Variants in ISM1 observed in about 807,000 individuals in gnomAD.
ISM1 encodes isthmin-1.
ISM1 carries 25 observed loss-of-function variants against 46.3 expected under a neutral mutation model. The observed-to-expected ratio is 0.54, with a 90% confidence interval of 0.39 to 0.75. The LOEUF (loss-of-function observed/expected upper bound fraction) is 0.75, where lower values mean the gene tolerates loss of function less well. Among genes scored for constraint, ISM1 ranks in the 30% least tolerant of loss-of-function variants. The pLI, the probability that ISM1 is intolerant of heterozygous loss-of-function variation, is 0.00. For missense variants in ISM1, 536 were observed against 625.4 expected (o/e 0.86, Z 1.52); for synonymous variants, 255 against 256.7 (o/e 0.99, Z 0.06).
chr20:13,299,596 C>T lies in ISM1; in HGVS notation c.*137C>T. The T allele has an allele frequency of 7.0e-6, 6 of 860,068 alleles. No individual in the cohort carries two copies. Among genetic ancestry groups the T allele is most frequent in the Non-Finnish European group, 1.1e-5 (6 of 561,350 alleles). 53.3% of individuals were successfully genotyped at this position (860,068 alleles called of 1,614,324 possible). A position where few individuals can be genotyped will look rare whatever the true frequency, so the allele number is the denominator to read the frequency against. On this transcript the variant is annotated 3_prime_UTR_variant, in exon 6 of 6. Transcript: ENST00000262487. This position sits in a 1 kb window ranked among gnomAD's most constrained non-coding sequence, Gnocchi z 5.8. ...ATATACCACATGAGTATTTCTCATA[C>T]ATTACGCTAGGGGCGTGTGCCACGC... is the stretch of plus-strand genomic sequence containing the variant.
At chr20:13,225,214 T>C (rs1297755676) in intron 1 of ISM1, among the ~76,000 whole-genome samples, 1 of 152,106 alleles carries the variant, frequency 6.6e-6, no homozygotes, top group Non-Finnish European at 1.5e-5. Flanking sequence ...TTATCCCTGT[T>C]TCAAAAGGAG....
chr20:13,304,935 C>T (rs527756936), downstream of ISM1, among the ~76,000 whole-genome samples: 8 of 152,250 alleles, frequency 5.3e-5, no homozygotes, highest in Admixed American at 2.0e-4. Flanking sequence ...GCTTGCTCAG[C>T]GCCATCTCTC....
At chr20:13,306,564 C>CAAAAAAAAAAAAAAAAAAAAGAAAAA in the ISM1 span, among the ~76,000 whole-genome samples, 4 of 63,914 alleles carry the variant, frequency 6.3e-5, no homozygotes, top group Admixed American at 2.2e-4. Flanking sequence ...GGAGAAAGGA[C>CAAAAAAAAAAAAAAAAAAAAGAAAAA]AAAAAAAAAA....
chr20:13,322,821 T>C, the ISM1 span, among the ~76,000 whole-genome samples: 3 of 152,110 alleles, frequency 2.0e-5, no homozygotes, highest in Non-Finnish European at 4.4e-5. Context: ...CTGTGTCAAC[T>C]TGAAAACAGT....
At chr20:13,308,206 CCAT>C in the ISM1 span, among the ~76,000 whole-genome samples, 27 of 152,300 alleles carry the variant, frequency 1.8e-4, no homozygotes, top group Admixed American at 1.8e-3. Context: ...AGACAGGAAT[CCAT>C]CATCAATGAA....
At chr20:13,286,933 G>A (rs1236736337) in intron 3 of ISM1, among the ~76,000 whole-genome samples, 1 of 152,246 alleles carries the variant, frequency 6.6e-6, no homozygotes, top group Non-Finnish European at 1.5e-5. Flanking sequence ...CAAGGCCATA[G>A]GAAGATCTGG....
chr20:13,241,947 C>A (rs1225661436), intron 1 of ISM1, among the ~76,000 whole-genome samples: 1 of 151,820 alleles, frequency 6.6e-6, no homozygotes, highest in East Asian at 1.9e-4. Flanking sequence ...AGTTGAGGGC[C>A]GTTGCAAGGA....
At chr20:13,271,559 CTG>C (rs1392517928) in intron 2 of ISM1, among the ~76,000 whole-genome samples, 8 of 152,224 alleles carry the variant, frequency 5.3e-5, no homozygotes, top group South Asian at 2.1e-4. Flanking sequence ...CAGGAAGTTA[CTG>C]TTTGGTTTAC....
At chr20:13,276,356 C>T (rs760002844) in intron 2 of ISM1, among the ~76,000 whole-genome samples, 13 of 151,844 alleles carry the variant, frequency 8.6e-5, no homozygotes, top group Non-Finnish European at 1.2e-4. Context: ...AGTGCATTTC[C>T]GAGCAAGAAT....
At chr20:13,286,774 C>A (rs138629622) in intron 3 of ISM1, among the ~76,000 whole-genome samples, 1 of 152,204 alleles carries the variant, frequency 6.6e-6, no homozygotes, top group East Asian at 1.9e-4. Context: ...AAGGCTGGCA[C>A]GGGCCCACAT....
At chr20:13,294,577 T>C (rs2040388382) in intron 5 of ISM1, among the ~76,000 whole-genome samples, 1 of 152,084 alleles carries the variant, frequency 6.6e-6, no homozygotes, top group Non-Finnish European at 1.5e-5. Flanking sequence ...TGAGTAGACA[T>C]GGTGTCTCAG....
chr20:13,299,575 AC>A lies in ISM1; in HGVS notation c.*118del. 7.3e-6 allele frequency: 7 copies of A among 959,382 alleles called. No individual in the cohort carries two copies. Among genetic ancestry groups the A allele is most frequent in the Non-Finnish European group, 9.4e-6 (6 of 641,578 alleles). 59.4% of individuals were successfully genotyped at this position (959,382 alleles called of 1,614,324 possible). ...GCTGCGGTCGTGTATATTTGTATAT[AC>A]CACATGAGTATTTCTCATACATTAC... On this transcript the variant is annotated 3_prime_UTR_variant, in exon 6 of 6. Transcript: ENST00000262487. The surrounding 1 kb of genome is among the most constrained non-coding windows in gnomAD (Gnocchi z 5.8).
chr20:13,288,169 C>T (rs1352327224), intron 3 of ISM1, among the ~76,000 whole-genome samples: 2 of 152,222 alleles, frequency 1.3e-5, no homozygotes, highest in Non-Finnish European at 2.9e-5. Context: ...TCCTCTCTCT[C>T]TCTTTCTCTC....
intron 2 of ISM1, among the ~76,000 whole-genome samples, chr20:13,272,388 G>C (rs2040125684): frequency 1.3e-5 from 2 of 152,166 alleles, no homozygotes; most frequent in African/African-American, 4.8e-5. Flanking sequence ...GCTGCATTAG[G>C]TTATAGGAAA....
chr20:13,250,944 A>G (rs7264162), intron 1 of ISM1, among the ~76,000 whole-genome samples: 16,237 of 152,144 alleles, frequency 0.11, 1,021 homozygotes, highest in African/African-American at 0.16. Context: ...CCTACTGAAA[A>G]CATCCTGAGA....
At chr20:13,265,935 C>A (rs554416183) in intron 1 of ISM1, among the ~76,000 whole-genome samples, 2 of 152,186 alleles carry the variant, frequency 1.3e-5, no homozygotes, top group Non-Finnish European at 2.9e-5. Context: ...GTCAGCCACG[C>A]TTAGACTACA....
the ISM1 span, among the ~76,000 whole-genome samples, chr20:13,306,564 C>CAAAAAAAAAAAAAAA: frequency 3.1e-5 from 2 of 63,914 alleles, no homozygotes; most frequent in African/African-American, 1.4e-4. Flanking sequence ...GGAGAAAGGA[C>CAAAAAAAAAAAAAAA]AAAAAAAAAA....
Position 13,221,382 on chromosome 20 carries a change from C to G in ISM1, c.-395C>G, listed in dbSNP as rs1354033937. On this transcript the variant is annotated 5_prime_UTR_variant, in exon 1 of 6. Coordinates refer to ENST00000262487, the MANE Select transcript of ISM1 (RefSeq NM_080826.2). Reference sequence around the variant, plus strand: ...CTCGGGGGCTCGGCTGCGCCCGCCCCGCCGCCGACCCCGCAGCCCCCTGCC... The same window carrying G: ...CTCGGGGGCTCGGCTGCGCCCGCCCGGCCGCCGACCCCGCAGCCCCCTGCC... Among the ~76,000 whole-genome samples, 1 of 147,952 alleles carries G rather than the reference C, an allele frequency of 6.8e-6. No homozygotes were observed. Among genetic ancestry groups the G allele is most frequent in the Non-Finnish European group, 1.5e-5 (1 of 66,140 alleles).
chr20:13,292,424 G>A lies in ISM1; in HGVS notation c.838G>A (p.Gly280Arg). Residue 280 changes from glycine (G) to arginine (R), a missense_variant, in exon 5 of 6, where the codon GGA (glycine) becomes AGA (arginine). Transcript: ENST00000262487. ...TGCCACCGAAGTGAGTCTGCTTGCG[G>A]GAAGCGAGGAGTTTAATGCCACCAA... ...TAATEVSLLAGSEEFNATKLF... is the reference protein window; with the variant it reads ...TAATEVSLLARSEEFNATKLF... 6.2e-7 allele frequency: 1 copy of A among 1,606,330 alleles called. No individual in the cohort carries two copies. Among genetic ancestry groups the A allele is most frequent in the Non-Finnish European group, 8.5e-7 (1 of 1,176,180 alleles).
Sources: gnomAD v4.1 joint callset for allele counts (sites outside exome capture counted in the v4.1 genomes callset) on GRCh38, gnomAD v4.1.1 for gene constraint, Gnocchi (gnomAD v3.1) non-coding constraint, MANE v1.5 for transcripts, NCBI Gene and HGNC (gene_info 2026-07-23, HGNC 2026-07-21) for gene names.